The following DYNC1I1 variants were observed in gnomAD, a reference collection of about 807,000 sequenced individuals.
DYNC1I1 encodes dynein cytoplasmic 1 intermediate chain 1.
In DYNC1I1, 43 loss-of-function variants were observed where a neutral mutation model predicts 86.6. That is an observed-to-expected ratio of 0.50 (90% CI 0.39 to 0.64). The LOEUF (loss-of-function observed/expected upper bound fraction) is 0.64. Ranked by LOEUF, DYNC1I1 falls within the 30% of genes least tolerant of loss-of-function variation. The probability of loss-of-function intolerance (pLI) is 0.00; values close to 1 mark genes in which losing one functional copy is unlikely to be tolerated. For synonymous variants in DYNC1I1, 262 were observed against 283.7 expected (o/e 0.92, Z 0.77); for missense variants, 604 against 788.8 (o/e 0.77, Z 2.81).
chr7:96,061,668 CCT>C lies in DYNC1I1; in HGVS notation c.1510-14377_1510-14376del, dbSNP rs1299679932. Among the ~76,000 whole-genome samples, 7 of 119,550 alleles carry C rather than the reference CCT, an allele frequency of 5.9e-5. No individual in the cohort carries two copies. The South Asian group carries it at 7.4e-4, about 13-fold the overall frequency. The allele number at this position is 119,550 out of a possible 152,430, so 78.4% of individuals were successfully genotyped here. On this transcript the variant is annotated intron_variant, in intron 14 of 16. Transcript: ENST00000447467. ...TGGAAAAAGAGTCTCTCTCTCTCTT[CCT>C]CTCTCTCTCTCCCTCCCTCCCTCCC...
At chr7:95,876,479 G>A (rs1389378247) in intron 6 of DYNC1I1, among the ~76,000 whole-genome samples, 5 of 152,106 alleles carry the variant, frequency 3.3e-5, no homozygotes, top group Admixed American at 2.6e-4. Context: ...GATGGAAGCT[G>A]AGTTTTACCT....
chr7:95,886,568 T>C (rs1339806270), intron 6 of DYNC1I1, among the ~76,000 whole-genome samples: 1 of 152,184 alleles, frequency 6.6e-6, no homozygotes, highest in East Asian at 1.9e-4. Context: ...TTCCTGACTT[T>C]AAGTTTCTTC....
At chr7:96,087,005 A>T (rs573328831) in intron 16 of DYNC1I1, among the ~76,000 whole-genome samples, 198 of 152,336 alleles carry the variant, frequency 1.3e-3, no homozygotes, top group South Asian at 3.1e-3. Context: ...AGTTTGATGT[A>T]GTGGCATGTG....
chr7:95,831,608 C>G (rs1034636782), intron 5 of DYNC1I1, among the ~76,000 whole-genome samples: 1 of 152,106 alleles, frequency 6.6e-6, no homozygotes, highest in Admixed American at 6.6e-5. Context: ...ATGGCAATGC[C>G]AATTTACAAT....
chr7:95,867,920 C>T (rs776900047), intron 5 of DYNC1I1, among the ~76,000 whole-genome samples: 1 of 152,134 alleles, frequency 6.6e-6, no homozygotes, highest in Non-Finnish European at 1.5e-5. Context: ...CAAGAAAGAC[C>T]CACTTCAGGC....
chr7:96,093,243 C>A (rs973953769), intron 16 of DYNC1I1, among the ~76,000 whole-genome samples: 1 of 152,086 alleles, frequency 6.6e-6, no homozygotes, highest in South Asian at 2.1e-4. Context: ...CTTTGATTAC[C>A]TTTCTCATGC....
chr7:95,949,793 T>G (rs1792502824), intron 6 of DYNC1I1, among the ~76,000 whole-genome samples: 1 of 152,174 alleles, frequency 6.6e-6, no homozygotes, highest in African/African-American at 2.4e-5. Flanking sequence ...ATTTAAATAA[T>G]ACTCCTCCTT....
At chr7:95,838,277 AC>A (rs1789173874) in intron 5 of DYNC1I1, among the ~76,000 whole-genome samples, 1 of 152,198 alleles carries the variant, frequency 6.6e-6, no homozygotes, top group Non-Finnish European at 1.5e-5. Context: ...AGTATTCCCA[AC>A]ACCGTGAATT....
In DYNC1I1 at chr7:95,813,272, G is replaced by C. The variant is rs549738585; in HGVS notation, c.249G>C (p.Ser83=). The C allele has an allele frequency of 5.6e-5, 91 of 1,611,396 alleles. 2 individuals are homozygous for C. In the South Asian group the frequency reaches 9.6e-4, roughly 17 times the overall value. The stretch of plus-strand genomic sequence containing the variant: ...TCCCAACCCCTATGTCTCCCTCCTC[G>C]AAATCAGTGAGCACTCCCAGTGAAG... ...PLVPTPMSPS[S]KSVSTPSEAG... is the part of the protein sequence containing the mutation. The change falls in exon 4 of 17, where the codon TCG becomes TCC. Residue 83 remains serine, a synonymous_variant. Transcript: ENST00000447467.
At chr7:95,809,300 A>G (rs1314688571) in intron 2 of DYNC1I1, among the ~76,000 whole-genome samples, 13 of 152,198 alleles carry the variant, frequency 8.5e-5, no homozygotes, top group Admixed American at 8.5e-4. Context: ...ACTACAGTGT[A>G]GCTAATGCTT....
At chr7:96,019,315 C>G (rs1228517224) in intron 10 of DYNC1I1, among the ~76,000 whole-genome samples, 1 of 151,856 alleles carries the variant, frequency 6.6e-6, no homozygotes, top group Non-Finnish European at 1.5e-5. Flanking sequence ...ACTAATATCT[C>G]CCCAGTCCTT....
intron 6 of DYNC1I1, among the ~76,000 whole-genome samples, chr7:95,945,127 GAT>G (rs1792363236): frequency 6.6e-6 from 1 of 151,824 alleles, no homozygotes; most frequent in African/African-American, 2.4e-5. Context: ...AGGATAGTGT[GAT>G]GTTAATCAGA....
chr7:96,103,123 C>T (rs939029779), downstream of DYNC1I1, among the ~76,000 whole-genome samples: 8 of 152,134 alleles, frequency 5.3e-5, no homozygotes, highest in African/African-American at 1.7e-4. Context: ...TGCTTGCATA[C>T]GTGGCCATGT....
At chr7:96,024,646 AG>A (rs1794633588) in intron 10 of DYNC1I1, among the ~76,000 whole-genome samples, 1 of 152,178 alleles carries the variant, frequency 6.6e-6, no homozygotes, top group South Asian at 2.1e-4. Flanking sequence ...TCAACTGCAT[AG>A]GGAAGTAATG....
At chr7:95,865,100 ACTG>A (rs1315505563) in intron 5 of DYNC1I1, among the ~76,000 whole-genome samples, 2 of 152,092 alleles carry the variant, frequency 1.3e-5, no homozygotes, top group Non-Finnish European at 1.5e-5. Flanking sequence ...CCCAAGTGGC[ACTG>A]CTGCTGGTGG....
At position 95,902,703 on chromosome 7, in the gene DYNC1I1, G is replaced by A. The variant is rs1309610668; in HGVS notation, c.490+32705G>A. Among the ~76,000 whole-genome samples, 15 of 152,046 alleles carry A rather than the reference G, an allele frequency of 9.9e-5. 1 individual carries two copies. Among genetic ancestry groups the A allele is most frequent in the South Asian group, 4.1e-4 (2 of 4,826 alleles). ...CCTCATATGCATGGGAAACGTAGTCGTCTAAAAACATGATATGTTTTAAAT... is the reference window on the plus strand; with the variant it reads ...CCTCATATGCATGGGAAACGTAGTCATCTAAAAACATGATATGTTTTAAAT... On this transcript the variant is annotated intron_variant, in intron 6 of 16. Transcript: ENST00000447467.
At chr7:95,889,579 G>A (rs1790683427) in intron 6 of DYNC1I1, among the ~76,000 whole-genome samples, 1 of 152,008 alleles carries the variant, frequency 6.6e-6, no homozygotes, top group Non-Finnish European at 1.5e-5. Flanking sequence ...TTGCAAAAAA[G>A]CAAAAATTGA....
At chr7:95,854,361 A>G (rs1380712681) in intron 5 of DYNC1I1, among the ~76,000 whole-genome samples, 1 of 151,956 alleles carries the variant, frequency 6.6e-6, no homozygotes, top group Non-Finnish European at 1.5e-5. Context: ...ATAGGTATAG[A>G]TAGTTTATAT....
chr7:96,052,002 A>G lies in DYNC1I1; in HGVS notation c.1509+12581A>G, dbSNP rs561234349. On this transcript the variant is annotated intron_variant, in intron 14 of 16. Transcript: ENST00000447467. ...ATCACAGTGAGTATGCAACTGGGAC[A>G]GAATTGCCATCCTTTCCCTGTAAGA... Among the ~76,000 whole-genome samples the G allele has an allele frequency of 2.6e-5, 4 of 152,342 alleles. No individual in the cohort carries two copies. The South Asian group carries it at 8.3e-4, about 32-fold the overall frequency.
Sources: gnomAD v4.1 joint callset for allele counts (sites outside exome capture counted in the v4.1 genomes callset) on GRCh38, gnomAD v4.1.1 for gene constraint, MANE v1.5 for transcripts, NCBI Gene and HGNC (gene_info 2026-07-23, HGNC 2026-07-21) for gene names.